Variants in CRACDL observed in about 807,000 individuals in gnomAD.
CRACDL encodes CRACD like, also known as CRACD-like protein.
A neutral mutation model predicts 70.6 loss-of-function variants in CRACDL; 26 were observed. The observed-to-expected ratio is 0.37, with a 90% CI of 0.27 to 0.51. The LOEUF is 0.51. Among genes scored for constraint, CRACDL ranks in the 20% least tolerant of loss-of-function variants. The pLI is 0.94. For missense variants in CRACDL, 1,283 were observed against 1,376.9 expected (o/e 0.93, Z 1.08); for synonymous variants, 618 against 615.2 (o/e 1.00, Z -0.07).
At chr2:98,834,923 A>G (rs1180798549) in intron 3 of CRACDL, among the ~76,000 whole-genome samples, 4 of 152,216 alleles carry the variant, frequency 2.6e-5, no homozygotes, top group South Asian at 2.1e-4. Context: ...ATTAGTAGTA[A>G]TAATAATTAA....
chr2:98,918,659 C>G (rs568507515), intron 1 of CRACDL, among the ~76,000 whole-genome samples: 19 of 146,506 alleles, frequency 1.3e-4, no homozygotes, highest in African/African-American at 4.7e-4. Context: ...TCTCATTGTG[C>G]TTTTAATTTG....
intron 1 of CRACDL, among the ~76,000 whole-genome samples, chr2:98,914,408 A>C (rs1171916276): frequency 6.6e-6 from 1 of 152,178 alleles, no homozygotes; most frequent in African/African-American, 2.4e-5. Context: ...CCACAGCATG[A>C]GGAGGAGCCC....
intron 1 of CRACDL, among the ~76,000 whole-genome samples, chr2:98,911,659 T>C (rs951752777): frequency 2.6e-5 from 4 of 152,122 alleles, no homozygotes; most frequent in African/African-American, 9.7e-5. Flanking sequence ...TTATCAATGC[T>C]CTGCAGCCAG....
intron 7 of CRACDL, among the ~76,000 whole-genome samples, chr2:98,809,177 G>A (rs1004610728): frequency 6.6e-6 from 1 of 152,154 alleles, no homozygotes; most frequent in Non-Finnish European, 1.5e-5. Flanking sequence ...GAGTTGGGGC[G>A]GAGACTCCTT....
intron 1 of CRACDL, among the ~76,000 whole-genome samples, chr2:98,854,299 A>C (rs1706611699): frequency 6.7e-6 from 1 of 149,956 alleles, no homozygotes; most frequent in Non-Finnish European, 1.5e-5. Context: ...AAAAAAAAAA[A>C]AGAAAGAAAA....
chr2:98,880,465 G>T (rs17022036), intron 1 of CRACDL, among the ~76,000 whole-genome samples: 18,911 of 152,202 alleles, frequency 0.12, 1,597 homozygotes, highest in Admixed American at 0.24. Context: ...TGACTAAAAG[G>T]TAGCATCATC....
intron 1 of CRACDL, among the ~76,000 whole-genome samples, chr2:98,925,302 G>A (rs917040465): frequency 6.6e-6 from 1 of 152,192 alleles, no homozygotes; most frequent in African/African-American, 2.4e-5. Flanking sequence ...GTGTTCACCT[G>A]CATTAAGTGA....
chr2:98,835,902 C>T (rs967984547), intron 3 of CRACDL, among the ~76,000 whole-genome samples: 4 of 152,240 alleles, frequency 2.6e-5, no homozygotes, highest in African/African-American at 9.6e-5. Context: ...ACGACAGTGA[C>T]ACACCCTGAA....
intron 7 of CRACDL, among the ~76,000 whole-genome samples, chr2:98,813,947 G>C (rs1704676074): frequency 6.6e-6 from 1 of 152,076 alleles, no homozygotes. Context: ...TCAAGGAATT[G>C]GCCCTTTTCT....
chr2:98,868,727 T>G (rs149094772), intron 1 of CRACDL, among the ~76,000 whole-genome samples: 2 of 152,128 alleles, frequency 1.3e-5, no homozygotes, highest in Non-Finnish European at 2.9e-5. Flanking sequence ...TCAAAGCATA[T>G]CAACTATGCC....
chr2:98,903,170 C>T (rs1708324729), intron 1 of CRACDL, among the ~76,000 whole-genome samples: 1 of 152,098 alleles, frequency 6.6e-6, no homozygotes, highest in Admixed American at 6.5e-5. Flanking sequence ...CTCACTTCTC[C>T]GAGCCCCGGG....
At chr2:98,914,812 G>T (rs1013867652) in intron 1 of CRACDL, among the ~76,000 whole-genome samples, 57 of 152,220 alleles carry the variant, frequency 3.7e-4, no homozygotes, top group African/African-American at 1.3e-3. Flanking sequence ...CCTCCAGAGG[G>T]AGTCCCTGGG....
intron 1 of CRACDL, among the ~76,000 whole-genome samples, chr2:98,910,062 C>T (rs1708510135): frequency 6.6e-6 from 1 of 152,168 alleles, no homozygotes; most frequent in Non-Finnish European, 1.5e-5. Context: ...CACCACTTCC[C>T]ACCTCGGAAG....
chr2:98,822,985 C>T lies in CRACDL; in HGVS notation c.1288G>A (p.Gly430Arg), dbSNP rs751454818. The change falls in exon 7 of 10, where the codon GGG becomes AGG. Residue 430 changes from glycine (G) to arginine (R), a missense_variant. Physicochemically the swap from Gly to Arg is moderately radical, Grantham distance 125. Transcript: ENST00000397899. The surrounding 1 kb of genome is among the most constrained non-coding windows in gnomAD (Gnocchi z 4.9). ...TCCTTCGGGACACTGCGTTCTGGCC[C>T]GTCGCGAGCAGAGGGCGCCTCTGAG... is the stretch of plus-strand genomic sequence containing the variant. ...ATSEAPSARD[G>R]PERSVPKEAE... is the part of the protein sequence containing the mutation. The T allele has an allele frequency of 1.3e-6, 2 of 1,490,130 alleles. No homozygotes were observed. The highest frequency in any genetic ancestry group is 1.3e-5 in the South Asian group (1 of 78,012). 92.3% of individuals were successfully genotyped at this position (1,490,130 alleles called of 1,614,324 possible).
intron 1 of CRACDL, among the ~76,000 whole-genome samples, chr2:98,865,941 C>T (rs944798992): frequency 5.9e-5 from 9 of 151,782 alleles, no homozygotes; most frequent in African/African-American, 2.2e-4. Flanking sequence ...GCTGGGATTA[C>T]AGGTGCCCAC....
intron 1 of CRACDL, among the ~76,000 whole-genome samples, chr2:98,863,253 A>G (rs891634835): frequency 2.0e-5 from 3 of 152,200 alleles, no homozygotes; most frequent in African/African-American, 4.8e-5. Context: ...GATATGTTCA[A>G]AGTGTGAAAA....
chr2:98,854,960 T>C (rs541711817), intron 1 of CRACDL, among the ~76,000 whole-genome samples: 13 of 152,232 alleles, frequency 8.5e-5, no homozygotes, highest in Admixed American at 6.5e-5. Flanking sequence ...AACTTAAAGT[T>C]TGCTGATTTT....
rs550916005 is a variant in CRACDL, at chr2:98,816,923, C to T, written c.2416+4934G>A. On this transcript the variant is annotated intron_variant, in intron 7 of 9. Transcript: ENST00000397899. ...ACCCCCTGTTCACTGAGGCACTATT[C>T]ACAACAGCCAAGATGCGGAAACAGC... 8.5e-5 allele frequency among the ~76,000 whole-genome samples: 13 copies of T among 152,322 alleles called. No individual in the cohort carries two copies. In the East Asian group the frequency reaches 1.9e-3, roughly 23 times the overall value.
chr2:98,890,594 C>T (rs1034565747), intron 1 of CRACDL, among the ~76,000 whole-genome samples: 1 of 152,190 alleles, frequency 6.6e-6, no homozygotes, highest in African/African-American at 2.4e-5. Context: ...ATTATGTATC[C>T]CTTATCCAAA....
Sources: allele counts gnomAD v4.1 joint callset (sites outside exome capture counted in the v4.1 genomes callset), GRCh38; gene constraint gnomAD v4.1.1; non-coding constraint Gnocchi (gnomAD v3.1); transcripts MANE v1.5; gene names NCBI Gene and HGNC (gene_info 2026-07-23, HGNC 2026-07-21).